Variants in RBM22 observed in about 807,000 individuals in gnomAD.
The protein encoded by RBM22 is RNA binding motif protein 22, also known as pre-mRNA-splicing factor RBM22.
Under a neutral mutation model 50.1 loss-of-function variants are expected in RBM22, and 1 was observed. That is an observed-to-expected ratio of 0.02 (90% CI 0.01 to 0.09). The LOEUF is 0.09. RBM22 is among the 10% of genes least tolerant of loss of function. The pLI is 1.00. For missense variants in RBM22, 264 were observed against 529.3 expected (o/e 0.50, Z 4.92); for synonymous variants, 152 against 179.0 (o/e 0.85, Z 1.20).
At chr5:150,693,824 T>G (rs1377833880) in intron 8 of RBM22, among the ~76,000 whole-genome samples, 1 of 152,238 alleles carries the variant, frequency 6.6e-6, no homozygotes, top group East Asian at 1.9e-4. Context: ...ACTTGGCCTA[T>G]AATAGCTAGT....
At chr5:150,700,370 G>A (rs949282520) in intron 2 of RBM22, 74 bp downstream of exon 2, 14 of 1,426,674 alleles carry the variant, frequency 9.8e-6, no homozygotes, top group Middle Eastern at 1.8e-4. Context: ...TTGTCTAAGA[G>A]AAACACTTCA....
rs1247137831 is a variant in RBM22, at chr5:150,696,939, A to G, written c.272-48T>C. ...AGACCTCAGATGTATTTTAAAACAT[A>G]TCCATACTAACCATGCACACAGAAT... On this transcript the variant is annotated intron_variant, in intron 4 of 10. Coordinates refer to ENST00000199814, the MANE Select transcript of RBM22 (RefSeq NM_018047.3). This position sits in a 1 kb window ranked among gnomAD's most constrained non-coding sequence, Gnocchi z 4.3. 6.5e-7 allele frequency: 1 copy of G among 1,535,062 alleles called. No homozygotes were observed. The highest frequency in any genetic ancestry group is 9.0e-7 in the Non-Finnish European group (1 of 1,109,450).
chr5:150,695,397 CT>C, intron 7 of RBM22, 108 bp downstream of exon 7: 6 of 977,798 alleles, frequency 6.1e-6, no homozygotes, highest in Non-Finnish European at 9.1e-6. Context: ...AATAGAGAGA[CT>C]ACAGAAAAAT....
chr5:150,699,840 T>A (rs1394142852), intron 2 of RBM22, among the ~76,000 whole-genome samples: 2 of 152,204 alleles, frequency 1.3e-5, no homozygotes, highest in African/African-American at 4.8e-5. Context: ...CCTGTGCCAA[T>A]GCCCGGAATA....
rs1277381445 is a variant in RBM22, at chr5:150,696,199, C to T, written c.545+334G>A. On this transcript the variant is annotated intron_variant, in intron 6 of 10. Coordinates refer to ENST00000199814, the MANE Select transcript of RBM22 (RefSeq NM_018047.3). This position sits in a 1 kb window ranked among gnomAD's most constrained non-coding sequence, Gnocchi z 4.3. ...GGCAGTCTTAACCAAAACATACACA[C>T]CCTTTAGAAGTCTGACCTTACTTTG... Among the ~76,000 whole-genome samples, 1 of 151,932 alleles carries T rather than the reference C, an allele frequency of 6.6e-6. No homozygotes were observed. Among genetic ancestry groups the T allele is most frequent in the Non-Finnish European group, 1.5e-5 (1 of 68,004 alleles).
Position 150,694,333 on chromosome 5 carries a change from C to T in RBM22, c.747-93G>A, listed in dbSNP as rs1759246530. 3 of 1,475,570 alleles carry T rather than the reference C, an allele frequency of 2.0e-6. No individual in the cohort carries two copies. The Admixed American group carries it at 7.4e-5, about 37-fold the overall frequency. The allele number at this position is 1,475,570 out of a possible 1,614,324, so 91.4% of individuals were successfully genotyped here. A position where few individuals can be genotyped will look rare whatever the true frequency, so the allele number is the denominator to read the frequency against. On this transcript the variant is annotated intron_variant, in intron 7 of 10. Transcript: ENST00000199814. ...TGGATTAACTTTCACTGACACACCA[C>T]TAGGCAGGTGGGCCCCAAGGTTATC...
rs746299302 is a variant in RBM22 at position 150,700,962 on chromosome 5, G to T, written c.24C>A (p.Asn8Lys). 1.2e-6 allele frequency: 2 copies of T among 1,614,246 alleles called. No homozygotes were observed. Among genetic ancestry groups the T allele is most frequent in the Non-Finnish European group, 1.7e-6 (2 of 1,180,034 alleles). The part of the protein sequence containing the change: MATSLGS[N>K]TYNRQNWEDA... ...CCTCCCAGTTCTGCCTGTTGTAGGT[G>T]TTGGAACCCAGAGAGGTCGCCATCT... The change falls in exon 1 of 11, where the codon AAC (asparagine) becomes AAA (lysine). Residue 8 changes from asparagine to lysine, a missense_variant. By Grantham distance (94) the Asn-to-Lys change is moderately conservative. Coordinates refer to ENST00000199814, the MANE Select transcript of RBM22 (RefSeq NM_018047.3).
Position 150,698,566 on chromosome 5 carries a change from A to G in RBM22, c.204T>C (p.Thr68=). The G allele has an allele frequency of 1.2e-6, 2 of 1,614,198 alleles. No individual in the cohort carries two copies. Among genetic ancestry groups the G allele is most frequent in the Admixed American group, 1.7e-5 (1 of 60,034 alleles). ...ATTTACTGCAGGTTTGGCACACTTCAGTCTTCTTGAAACGCATGCGGACTC... is the reference window on the plus strand; with the variant it reads ...ATTTACTGCAGGTTTGGCACACTTCGGTCTTCTTGAAACGCATGCGGACTC... ...CPGVRMRFKK[T]EVCQTCSKLK... Residue 68 remains threonine, a synonymous_variant, in exon 4 of 11, where the codon ACT becomes ACC. Coordinates refer to ENST00000199814, the MANE Select transcript of RBM22 (RefSeq NM_018047.3).
At chr5:150,697,898 G>T (rs1046081785) in intron 4 of RBM22, among the ~76,000 whole-genome samples, 10 of 152,286 alleles carry the variant, frequency 6.6e-5, no homozygotes, top group Non-Finnish European at 1.0e-4. Flanking sequence ...CAATTAGGCT[G>T]GCTATAGTGG....
chr5:150,695,610 T>C lies in RBM22; in HGVS notation c.642A>G (p.Leu214=). 1 of 1,613,252 alleles carries C rather than the reference T, an allele frequency of 6.2e-7. No individual in the cohort carries two copies. The highest frequency in any genetic ancestry group is 8.5e-7 in the Non-Finnish European group (1 of 1,179,486). Residue 214 remains leucine (L), a synonymous_variant, in exon 7 of 11, where the codon CTA becomes CTG. Transcript: ENST00000199814. ...GCCGAGGCATTGTTGAAGCCCGCTT[T>C]AGAAGCTTGTCAGCTACAGGATCAT... ...GINDPVADKL[L]KRASTMPRLD... is the part of the protein sequence containing the mutation.
chr5:150,694,279 TA>T, intron 7 of RBM22, 39 bp from the exon 8 acceptor site: 1 of 1,595,484 alleles, frequency 6.3e-7, no homozygotes, highest in Non-Finnish European at 8.6e-7. Flanking sequence ...AAGTGGGAGT[TA>T]AAAAAGATGT....
chr5:150,691,442 G>A lies in RBM22; in HGVS notation c.*309C>T, dbSNP rs191957973. On this transcript the variant is annotated 3_prime_UTR_variant, in exon 11 of 11. Transcript: ENST00000199814. ...ATATACAAAATGAACATATAATTGG[G>A]AGGGTAACTCTGCTGGACATTCCAA... 6 of 217,898 alleles carry A rather than the reference G, an allele frequency of 2.8e-5. No individual in the cohort carries two copies. In the East Asian group the frequency reaches 5.7e-4, roughly 21 times the overall value. The allele number at this position is 217,898 out of a possible 1,614,324, so 13.5% of individuals were successfully genotyped here.
intron 2 of RBM22, 140 bp from the exon 3 acceptor site, chr5:150,699,411 A>C: frequency 8.6e-7 from 1 of 1,156,330 alleles, no homozygotes; most frequent in Non-Finnish European, 1.2e-6. Flanking sequence ...CAACAACAAA[A>C]CCCAAAACCC....
intron 4 of RBM22, among the ~76,000 whole-genome samples, chr5:150,697,468 C>G (rs776991868): frequency 1.2e-4 from 18 of 152,116 alleles, no homozygotes; most frequent in Non-Finnish European, 2.6e-4. Flanking sequence ...GATGAACAAA[C>G]TGTGCCCATG....
intron 2 of RBM22, 103 bp from the exon 3 acceptor site, chr5:150,699,374 C>G: frequency 7.1e-7 from 1 of 1,414,572 alleles, no homozygotes; most frequent in Non-Finnish European, 9.3e-7. Context: ...TCTGGAAATC[C>G]CTGGCATCCT....
Position 150,692,944 on chromosome 5 carries a change from C to T in RBM22, c.1083G>A (p.Val361=), listed in dbSNP as rs1349532184. ...CAGGGGGCGGTGGCAGAGCAATGTT[C>T]ACCACAGCTGGAGGACCACTTGGGG... The part of the protein sequence containing the change: ...NLPPSGPPAV[V]NIALPPPPGI... The change falls in exon 10 of 11, where the codon GTG becomes GTA. Residue 361 remains valine, a synonymous_variant. Coordinates refer to ENST00000199814, the MANE Select transcript of RBM22 (RefSeq NM_018047.3). The T allele has an allele frequency of 6.2e-7, 1 of 1,613,288 alleles. No homozygotes were observed. Among genetic ancestry groups the T allele is most frequent in the Non-Finnish European group, 8.5e-7 (1 of 1,179,708 alleles).
Position 150,701,015 on chromosome 5 carries a change from T to C in RBM22, c.-30A>G, listed in dbSNP as rs772601729. ...AGAGCGTCCGGAGGTAGCTGTAGCT[T>C]CCGAATTGGGAGAGAGGACCGCCAC... On this transcript the variant is annotated 5_prime_UTR_variant, in exon 1 of 11. Coordinates refer to ENST00000199814, the MANE Select transcript of RBM22 (RefSeq NM_018047.3). 3 of 1,613,856 alleles carry C rather than the reference T, an allele frequency of 1.9e-6. No individual in the cohort carries two copies. The highest frequency in any genetic ancestry group is 1.7e-5 in the Admixed American group (1 of 60,002).
At chr5:150,692,566 C>A (rs1463837125) in intron 10 of RBM22, among the ~76,000 whole-genome samples, 1 of 152,080 alleles carries the variant, frequency 6.6e-6, no homozygotes, top group African/African-American at 2.4e-5. Flanking sequence ...TAAAATGACA[C>A]CCGCTCACAG....
In RBM22 at chr5:150,691,605, A is replaced by T. The variant is rs1279527002; in HGVS notation, c.*146T>A. The T allele has an allele frequency of 1.8e-5, 17 of 962,424 alleles. No homozygotes were observed. Among genetic ancestry groups the T allele is most frequent in the Non-Finnish European group, 2.4e-5 (17 of 701,382 alleles). The allele number at this position is 962,424 out of a possible 1,614,324, so 59.6% of individuals were successfully genotyped here. On this transcript the variant is annotated 3_prime_UTR_variant, in exon 11 of 11. Coordinates refer to ENST00000199814, the MANE Select transcript of RBM22 (RefSeq NM_018047.3). ...ATCCTTTGAACAAGTATAGGAAAGC[A>T]TGGCTGTCAGTCTCTGACTGCTCAC...
Sources: gnomAD v4.1 joint callset for allele counts (sites outside exome capture counted in the v4.1 genomes callset) on GRCh38, gnomAD v4.1.1 for gene constraint, Gnocchi (gnomAD v3.1) non-coding constraint, MANE v1.5 for transcripts, NCBI Gene and HGNC (gene_info 2026-07-23, HGNC 2026-07-21) for gene names.